SERPINE2: variants seen among roughly 807,000 people sequenced by gnomAD.
The protein encoded by SERPINE2 is glia-derived nexin.
Under a neutral mutation model 36.3 loss-of-function variants are expected in SERPINE2, and 14 were observed. The ratio of observed to expected loss-of-function variants is 0.39; its 90% CI spans 0.25 to 0.60. SERPINE2 has a LOEUF of 0.60. Among genes scored for constraint, SERPINE2 ranks in the 20% least tolerant of loss-of-function variants. The pLI is 0.57. For missense variants in SERPINE2, 418 were observed against 499.6 expected (o/e 0.84, Z 1.56); for synonymous variants, 192 against 191.8 (o/e 1.00, Z -0.01).
rs548669306 is a variant in SERPINE2 at position 224,021,477 on chromosome 2, A to G, written c.-23+17622T>C. On this transcript the variant is annotated intron_variant, in intron 1 of 8. Transcript: ENST00000409304. ...TTAAGAGCCTGCAGACTAACAGATGACAGAAATCCTTAAGGACTAAGAAAA... is the reference window on the plus strand; with the variant it reads ...TTAAGAGCCTGCAGACTAACAGATGGCAGAAATCCTTAAGGACTAAGAAAA... Among the ~76,000 whole-genome samples the G allele has an allele frequency of 5.8e-4, 88 of 152,354 alleles. No homozygotes were observed. The South Asian group carries it at 0.017, about 30-fold the overall frequency.
intron 1 of SERPINE2, among the ~76,000 whole-genome samples, chr2:224,029,560 T>C (rs188369964): frequency 6.6e-6 from 1 of 152,346 alleles, no homozygotes; most frequent in African/African-American, 2.4e-5. Flanking sequence ...TTTCTTGGTA[T>C]CTGGACATCA....
chr2:224,026,574 A>C (rs1361175793), intron 1 of SERPINE2, among the ~76,000 whole-genome samples: 2 of 152,084 alleles, frequency 1.3e-5, no homozygotes, highest in African/African-American at 4.8e-5. Flanking sequence ...TTTTGTAAGG[A>C]CCCTACTAGA....
Position 224,023,769 on chromosome 2 carries a change from T to C in SERPINE2, c.-23+15330A>G, listed in dbSNP as rs377490758. On this transcript the variant is annotated intron_variant, in intron 1 of 8. Transcript: ENST00000409304. Reference sequence around the variant, plus strand: ...GACTAAAGGGCTACTTTGAGATATGTTTTGGCACCCACAAAAGTAATCCTG... The same window carrying C: ...GACTAAAGGGCTACTTTGAGATATGCTTTGGCACCCACAAAAGTAATCCTG... Among the ~76,000 whole-genome samples, 21 of 152,224 alleles carry C rather than the reference T, an allele frequency of 1.4e-4. 1 individual carries two copies. Among genetic ancestry groups the C allele is most frequent in the Admixed American group, 1.2e-3 (18 of 15,282 alleles).
chr2:224,010,699 A>G (rs1478243589), intron 1 of SERPINE2, among the ~76,000 whole-genome samples: 2 of 152,322 alleles, frequency 1.3e-5, no homozygotes, highest in Admixed American at 1.3e-4. Context: ...ATTAGAAATC[A>G]TATCTCAAGG....
At chr2:223,979,401 A>C (rs1182324436) in intron 7 of SERPINE2, 1 of 152,214 alleles carries the variant, frequency 6.6e-6, no homozygotes, top group Non-Finnish European at 1.5e-5. Flanking sequence ...CTTTGTTTTA[A>C]ATGCTTCTTT....
intron 3 of SERPINE2, among the ~76,000 whole-genome samples, chr2:223,994,275 C>T (rs1374386455): frequency 6.6e-6 from 1 of 152,216 alleles, no homozygotes; most frequent in African/African-American, 2.4e-5. Context: ...ATGGAGCATA[C>T]AGGCAGTGCT....
intron 5 of SERPINE2, 23 bp from the exon 6 acceptor site, chr2:223,982,804 G>GAA (rs759928324): frequency 6.4e-7 from 1 of 1,559,048 alleles, no homozygotes; most frequent in Non-Finnish European, 8.8e-7. Flanking sequence ...CAGAAATGGA[G>GAA]AAAAAAAATC....
intron 1 of SERPINE2, among the ~76,000 whole-genome samples, chr2:224,017,488 T>C (rs915160473): frequency 3.9e-5 from 6 of 152,208 alleles, no homozygotes; most frequent in African/African-American, 1.2e-4. Context: ...GGTGCTTGCA[T>C]AATTGTACAT....
chr2:223,992,267 T>A (rs1269611722), intron 3 of SERPINE2, among the ~76,000 whole-genome samples: 1 of 152,166 alleles, frequency 6.6e-6, no homozygotes. Context: ...AGAAATTCTT[T>A]TATTATCAAT....
At chr2:224,026,057 G>C (rs1157485967) in intron 1 of SERPINE2, among the ~76,000 whole-genome samples, 1 of 152,148 alleles carries the variant, frequency 6.6e-6, no homozygotes, top group African/African-American at 2.4e-5. Context: ...TCCACTCCCA[G>C]GCCTAGCCTA....
chr2:224,021,625 G>A (rs569302680), intron 1 of SERPINE2, among the ~76,000 whole-genome samples: 25 of 152,364 alleles, frequency 1.6e-4, no homozygotes, highest in Non-Finnish European at 2.8e-4. Flanking sequence ...AGTAAGAGGA[G>A]GTGAAAATCA....
At chr2:223,995,366 G>GTGCCTTTACC in intron 3 of SERPINE2, among the ~76,000 whole-genome samples, 1 of 152,208 alleles carries the variant, frequency 6.6e-6, no homozygotes, top group South Asian at 2.1e-4. Context: ...AGTGGGGGCA[G>GTGCCTTTACC]TTCACCCCCA....
At position 223,991,942 on chromosome 2, in the gene SERPINE2, G is replaced by A. The variant is rs1414010429; in HGVS notation, c.546C>T (p.Val182=). ...DLIDGVLTRL[V]LVNAVYFKGL... ...CCTTGAAATACACTGCGTTGACGAGGACCAGTCTGGTGAGCACACCATCAA... is the reference window on the plus strand; with the variant it reads ...CCTTGAAATACACTGCGTTGACGAGAACCAGTCTGGTGAGCACACCATCAA... The change falls in exon 4 of 9, where the codon GTC becomes GTT. Residue 182 remains valine, a synonymous_variant. Coordinates refer to ENST00000409304, the MANE Select transcript of SERPINE2 (RefSeq NM_001136528.2). The A allele has an allele frequency of 3.1e-6, 5 of 1,613,676 alleles. No individual in the cohort carries two copies. The highest frequency in any genetic ancestry group is 1.7e-5 in the Admixed American group (1 of 59,938).
chr2:224,028,841 G>T (rs1692270557), intron 1 of SERPINE2, among the ~76,000 whole-genome samples: 2 of 152,166 alleles, frequency 1.3e-5, no homozygotes, highest in Non-Finnish European at 2.9e-5. Flanking sequence ...CCACTTGCAG[G>T]TTCCTAACAG....
chr2:224,038,495 G>T, intron 1 of SERPINE2: 1 of 1,551,518 alleles, frequency 6.4e-7, no homozygotes, highest in Non-Finnish European at 8.7e-7. Context: ...TTTACCTGCA[G>T]TCACTCATCC....
chr2:224,022,048 A>C (rs1021329494), intron 1 of SERPINE2, among the ~76,000 whole-genome samples: 1 of 151,868 alleles, frequency 6.6e-6, no homozygotes, highest in Non-Finnish European at 1.5e-5. Context: ...AGTCCCAGCT[A>C]CTTGGGAGGC....
intron 1 of SERPINE2, among the ~76,000 whole-genome samples, chr2:224,003,488 G>C (rs1269124580): frequency 6.6e-6 from 1 of 152,174 alleles, no homozygotes; most frequent in Non-Finnish European, 1.5e-5. Context: ...ATAAACTTAA[G>C]TGACTGCTTT....
chr2:223,997,191 C>T (rs571791155), intron 3 of SERPINE2, among the ~76,000 whole-genome samples: 2 of 150,720 alleles, frequency 1.3e-5, no homozygotes, highest in South Asian at 2.1e-4. Flanking sequence ...CTCCACGTTA[C>T]AAATTAAGGT....
intron 4 of SERPINE2, among the ~76,000 whole-genome samples, chr2:223,990,358 A>C (rs555848616): frequency 2.6e-5 from 4 of 152,200 alleles, no homozygotes; most frequent in Non-Finnish European, 4.4e-5. Context: ...TCCTAGGCAA[A>C]TCAGTTTCCA....
Sources: gnomAD v4.1 joint callset for allele counts (sites outside exome capture counted in the v4.1 genomes callset) on GRCh38, gnomAD v4.1.1 for gene constraint, MANE v1.5 for transcripts, NCBI Gene and HGNC (gene_info 2026-07-23, HGNC 2026-07-21) for gene names.